Variants in GSE1 observed in about 807,000 individuals in gnomAD.
The protein encoded by GSE1 is Gse1 coiled-coil protein, also known as genetic suppressor element 1.
In GSE1, 32 loss-of-function variants were observed where a neutral mutation model predicts 112.6. That is an observed-to-expected ratio of 0.28 (90% CI 0.21 to 0.38). The LOEUF is 0.38. Among genes scored for constraint, GSE1 ranks in the 10% least tolerant of loss-of-function variants. GSE1 has a pLI of 1.00. For missense variants in GSE1, 2,348 were observed against 1,699.2 expected (o/e 1.38, Z -6.71); for synonymous variants, 1,115 against 735.6 (o/e 1.52, Z -8.35).
At chr16:85,641,335 A>G (rs1245055955) in intron 2 of GSE1, among the ~76,000 whole-genome samples, 2 of 152,230 alleles carry the variant, frequency 1.3e-5, no homozygotes, top group Non-Finnish European at 2.9e-5. Context: ...ATCTCCAGCT[A>G]GAAACCCGCA....
At chr16:85,234,273 G>C (rs1011747529) in intron 1 of GSE1, among the ~76,000 whole-genome samples, 1 of 152,102 alleles carries the variant, frequency 6.6e-6, no homozygotes, top group African/African-American at 2.4e-5. Context: ...CTGGGCTACT[G>C]CCTCATTTTG....
At chr16:85,246,282 GCTGTCTA>G (rs1905702332) in intron 1 of GSE1, among the ~76,000 whole-genome samples, 7 of 78,894 alleles carry the variant, frequency 8.9e-5, no homozygotes, top group Non-Finnish European at 1.7e-4. Context: ...CACCCCACAC[GCTGTCTA>G]CACACACCCC....
At chr16:85,276,209 G>A (rs1331628941) in intron 1 of GSE1, among the ~76,000 whole-genome samples, 1 of 152,264 alleles carries the variant, frequency 6.6e-6, no homozygotes, top group African/African-American at 2.4e-5. Context: ...GCAGCTGGAA[G>A]ACCCTCCTGG....
At chr16:85,190,170 A>G (rs1269337985) in intron 1 of GSE1, among the ~76,000 whole-genome samples, 5 of 152,196 alleles carry the variant, frequency 3.3e-5, no homozygotes, top group African/African-American at 9.7e-5. Context: ...ATTTCTCTCT[A>G]TCACCTGCCC....
At chr16:85,236,231 G>A (rs1249552889) in intron 1 of GSE1, among the ~76,000 whole-genome samples, 10 of 152,216 alleles carry the variant, frequency 6.6e-5, no homozygotes, top group Admixed American at 4.6e-4. Flanking sequence ...ACTGAGGCCC[G>A]GAGGGGTGAA....
At chr16:85,653,475 G>T (rs2051616563) in intron 3 of GSE1, among the ~76,000 whole-genome samples, 1 of 150,810 alleles carries the variant, frequency 6.6e-6, no homozygotes, top group South Asian at 2.1e-4. Context: ...AGCCCGGAAG[G>T]TGGGCTTTGG....
intron 1 of GSE1, among the ~76,000 whole-genome samples, chr16:85,236,189 G>T (rs1041456482): frequency 6.6e-5 from 10 of 152,218 alleles, no homozygotes; most frequent in Non-Finnish European, 1.5e-4. Context: ...GCTGGGACCG[G>T]CTCTTGGGGC....
chr16:85,619,741 G>A lies in GSE1; in HGVS notation c.7+6343G>A, dbSNP rs572115579. 3.9e-5 allele frequency among the ~76,000 whole-genome samples: 6 copies of A among 152,292 alleles called. No homozygotes were observed. The South Asian group carries it at 6.2e-4, about 16-fold the overall frequency. ...TGTGCGTCAGGCGTGGTGGGGGGAC[G>A]TTTTCACCCCAACGTGCTCCTCCTC... On this transcript the variant is annotated intron_variant, in intron 1 of 15. Coordinates refer to ENST00000253458, the MANE Select transcript of GSE1 (RefSeq NM_014615.5).
At chr16:85,600,832 T>C (rs968685363) in intron 1 of GSE1, among the ~76,000 whole-genome samples, 7 of 152,222 alleles carry the variant, frequency 4.6e-5, no homozygotes, top group African/African-American at 1.2e-4. Context: ...TGGGTTTATT[T>C]TGGGGACAGG....
rs528174743 is a variant in GSE1, at chr16:85,400,553, TTGC to T, written c.2464+42911_2464+42913del. Among the ~76,000 whole-genome samples the T allele has an allele frequency of 1.8e-4, 27 of 151,408 alleles. 1 individual carries two copies. The East Asian group carries it at 4.7e-3, about 26-fold the overall frequency. ...TGTGTTTTGTATGTCTGTGTGTGTG[TTGC>T]GTGTGGTTGTGTACCTGTGTGATGC... On this transcript the variant is annotated intron_variant, in intron 2 of 2. Transcript: ENST00000637419.
At chr16:85,626,418 G>A (rs976971922) in intron 1 of GSE1, among the ~76,000 whole-genome samples, 4 of 152,274 alleles carry the variant, frequency 2.6e-5, no homozygotes, top group African/African-American at 9.6e-5. Context: ...CCCTTTGGGG[G>A]AGTGGGGATC....
At chr16:85,405,025 C>T (rs867755705) in intron 2 of GSE1, among the ~76,000 whole-genome samples, 2 of 40,578 alleles carry the variant, frequency 4.9e-5, no homozygotes, top group Non-Finnish European at 8.4e-5. Flanking sequence ...CACTCAGGCC[C>T]CCCGGATAAT....
chr16:85,292,389 C>T (rs900092314), intron 1 of GSE1, among the ~76,000 whole-genome samples: 6 of 150,614 alleles, frequency 4.0e-5, no homozygotes, highest in South Asian at 2.1e-4. Context: ...AGTGCAGTGG[C>T]GCGATCTTGG....
intron 1 of GSE1, among the ~76,000 whole-genome samples, chr16:85,629,048 A>C (rs1407750631): frequency 1.3e-5 from 2 of 152,162 alleles, no homozygotes; most frequent in African/African-American, 4.8e-5. Flanking sequence ...GGTGTTTAAA[A>C]GCCTGGGACC....
At chr16:85,403,649 A>G (rs1442899040) in intron 2 of GSE1, among the ~76,000 whole-genome samples, 1 of 152,038 alleles carries the variant, frequency 6.6e-6, no homozygotes, top group African/African-American at 2.4e-5. Flanking sequence ...ACAAAATAAC[A>G]AAATTAGCCG....
intron 1 of GSE1, among the ~76,000 whole-genome samples, chr16:85,176,597 C>A (rs1037726195): frequency 6.6e-6 from 1 of 152,250 alleles, no homozygotes; most frequent in Admixed American, 6.5e-5. Context: ...AGTTGGCGGG[C>A]GGGCCGCGCT....
chr16:85,664,939 C>G, intron 11 of GSE1, 76 bp from the exon 12 acceptor site: 1 of 998,656 alleles, frequency 1.0e-6, no homozygotes, highest in Non-Finnish European at 1.6e-6. Flanking sequence ...CCTCAAGGCT[C>G]GGCTAGAATC....
At chr16:85,554,242 G>A (rs2045081535), upstream of GSE1, among the ~76,000 whole-genome samples, 1 of 152,172 alleles carries the variant, frequency 6.6e-6, no homozygotes. Context: ...ATGTGGTTTG[G>A]CGGCAGGGTT....
At chr16:85,208,319 C>G (rs1414239521) in intron 1 of GSE1, among the ~76,000 whole-genome samples, 2 of 152,200 alleles carry the variant, frequency 1.3e-5, no homozygotes, top group Non-Finnish European at 2.9e-5. Context: ...TCAGTGCTCC[C>G]TGAACGGTCT....
Sources: allele counts gnomAD v4.1 joint callset (sites outside exome capture counted in the v4.1 genomes callset), GRCh38; gene constraint gnomAD v4.1.1; transcripts MANE v1.5; gene names NCBI Gene and HGNC (gene_info 2026-07-23, HGNC 2026-07-21).